The following BCKDK variants were observed in gnomAD, a reference collection of about 807,000 sequenced individuals.
The protein encoded by BCKDK is branched chain keto acid dehydrogenase kinase, also known as branched-chain alpha-ketoacid dehydrogenase kinase.
A neutral mutation model predicts 43.9 loss-of-function variants in BCKDK; 28 were observed. That is an observed-to-expected ratio of 0.64 (90% CI 0.47 to 0.87). The LOEUF is 0.87. BCKDK is among the 40% of genes least tolerant of loss of function. BCKDK has a pLI of 0.00. For missense variants in BCKDK, 483 were observed against 581.4 expected (o/e 0.83, Z 1.74); for synonymous variants, 257 against 234.3 (o/e 1.10, Z -0.88).
At position 31,112,323 on chromosome 16, in the gene BCKDK, T is replaced by G. The variant is rs1372655855; in HGVS notation, c.*58T>G. ...CCTGGGCCGCATTCCCTGCAGGACCTCCCGGGTCAGGCAGGGCGGCCCCCT... is the reference window on the plus strand; with the variant it reads ...CCTGGGCCGCATTCCCTGCAGGACCGCCCGGGTCAGGCAGGGCGGCCCCCT... On this transcript the variant is annotated 3_prime_UTR_variant, in exon 12 of 12. Transcript: ENST00000219794. This position sits in a 1 kb window ranked among gnomAD's most constrained non-coding sequence, Gnocchi z 5.0. 6.3e-7 allele frequency: 1 copy of G among 1,599,474 alleles called. No individual in the cohort carries two copies. The highest frequency in any genetic ancestry group is 8.5e-7 in the Non-Finnish European group (1 of 1,179,174).
Position 31,109,238 on chromosome 16 carries a change from G to A in BCKDK, c.15G>A (p.Ser5=), listed in dbSNP as rs753378449. Residue 5 remains serine, a synonymous_variant, in exon 2 of 12, where the codon TCG becomes TCA. Transcript: ENST00000219794. This position sits in a 1 kb window ranked among gnomAD's most constrained non-coding sequence, Gnocchi z 5.3. Reference sequence around the variant, plus strand: ...GGAGCAAGACGATGATCCTGGCGTCGGTGCTGAGGAGCGGTCCCGGGGGCG... The same window carrying A: ...GGAGCAAGACGATGATCCTGGCGTCAGTGCTGAGGAGCGGTCCCGGGGGCG... The part of the protein sequence containing the change: MILA[S]VLRSGPGGGL... 2.6e-6 allele frequency: 4 copies of A among 1,519,378 alleles called. No individual in the cohort carries two copies. Among genetic ancestry groups the A allele is most frequent in the Admixed American group, 2.2e-5 (1 of 45,428 alleles). The allele number at this position is 1,519,378 out of a possible 1,614,324, so 94.1% of individuals were successfully genotyped here.
At position 31,110,183 on chromosome 16, in the gene BCKDK, C is replaced by T. The variant is rs1251543766; in HGVS notation, c.424-22C>T. 1.2e-6 allele frequency: 2 copies of T among 1,614,186 alleles called. No individual in the cohort carries two copies. The highest frequency in any genetic ancestry group is 1.1e-5 in the South Asian group (1 of 91,084). ...AGAGGTTGGGCTTGGACCACCCTTC[C>T]TCATGACTCTGTGACCTGCAGATCA... is the stretch of plus-strand genomic sequence containing the variant. On this transcript the variant is annotated intron_variant, in intron 5 of 11. Coordinates refer to ENST00000219794, the MANE Select transcript of BCKDK (RefSeq NM_005881.4). The surrounding 1 kb of genome is among the most constrained non-coding windows in gnomAD (Gnocchi z 5.4).
rs764935168 is a variant in BCKDK at position 31,111,839 on chromosome 16, C to T, written c.936-30C>T. 4.8e-5 allele frequency: 77 copies of T among 1,612,532 alleles called. No individual in the cohort carries two copies. In the Admixed American group the frequency reaches 8.7e-4, roughly 18 times the overall value. On this transcript the variant is annotated intron_variant, in intron 10 of 11. Coordinates refer to ENST00000219794, the MANE Select transcript of BCKDK (RefSeq NM_005881.4). ...TGGTGAGTACCCCATCAAAGCTGAG[C>T]CAAGCCCATTGTTGTTGCCATCTTG...
Position 31,110,372 on chromosome 16 carries a change from A to C in BCKDK, c.544-29A>C. 6.2e-7 allele frequency: 1 copy of C among 1,614,036 alleles called. No homozygotes were observed. The highest frequency in any genetic ancestry group is 8.5e-7 in the Non-Finnish European group (1 of 1,180,012). Reference sequence around the variant, plus strand: ...CGGGCCTGCTGGGGGTGGGAAGGGCACGGGATTCTGAGACCTCACTCTTTA... The same window carrying C: ...CGGGCCTGCTGGGGGTGGGAAGGGCCCGGGATTCTGAGACCTCACTCTTTA... On this transcript the variant is annotated intron_variant, in intron 6 of 11. Transcript: ENST00000219794. This position sits in a 1 kb window ranked among gnomAD's most constrained non-coding sequence, Gnocchi z 5.4.
downstream of BCKDK, among the ~76,000 whole-genome samples, chr16:31,116,849 G>C (rs1280438843): frequency 1.3e-5 from 2 of 148,886 alleles, no homozygotes; most frequent in Admixed American, 6.7e-5. Flanking sequence ...CCCGGGAGGC[G>C]GAGGCTGCAG....
rs2057388476 is a variant in BCKDK, at chr16:31,109,259, G to A, written c.36G>A (p.Gly12=). The change falls in exon 2 of 12, where the codon GGG becomes GGA. Residue 12 remains glycine, a synonymous_variant. Transcript: ENST00000219794. The surrounding 1 kb of genome is among the most constrained non-coding windows in gnomAD (Gnocchi z 5.3). ...ILASVLRSGP[G]GGLPLRPLLG... is the part of the protein sequence containing the mutation. ...CGTCGGTGCTGAGGAGCGGTCCCGG[G>A]GGCGGGCTTCCGCTCCGGCCCCTCC... The A allele has an allele frequency of 2.6e-6, 4 of 1,556,130 alleles. No individual in the cohort carries two copies. Among genetic ancestry groups the A allele is most frequent in the Non-Finnish European group, 2.6e-6 (3 of 1,152,750 alleles).
chr16:31,110,819 C>A lies in BCKDK; in HGVS notation c.716+58C>A. The stretch of plus-strand genomic sequence containing the variant: ...CATCTGGGGCAGGGAAGGCTTGGGT[C>A]TGAGCCCTTGCCCGGGGCATGATCT... On this transcript the variant is annotated intron_variant, in intron 8 of 11. Coordinates refer to ENST00000219794, the MANE Select transcript of BCKDK (RefSeq NM_005881.4). This position sits in a 1 kb window ranked among gnomAD's most constrained non-coding sequence, Gnocchi z 5.4. The A allele has an allele frequency of 1.3e-6, 2 of 1,571,636 alleles. No homozygotes were observed. The highest frequency in any genetic ancestry group is 1.8e-6 in the Non-Finnish European group (2 of 1,141,992).
downstream of BCKDK, among the ~76,000 whole-genome samples, chr16:31,115,213 G>A (rs1036859642): frequency 5.4e-5 from 8 of 146,918 alleles, no homozygotes; most frequent in Admixed American, 4.2e-4. Context: ...GTGAGCCACC[G>A]CGCCCAGTCT....
Position 31,110,673 on chromosome 16 carries a change from C to T in BCKDK, c.643-15C>T. On this transcript the variant is annotated splice_polypyrimidine_tract_variant and intron_variant, in intron 7 of 11. Coordinates refer to ENST00000219794, the MANE Select transcript of BCKDK (RefSeq NM_005881.4). This position sits in a 1 kb window ranked among gnomAD's most constrained non-coding sequence, Gnocchi z 5.4. ...CTAGGGGCGTGGGTAGTCCTGACCTCCTTTCTCCGGCCAGCCTGACTTTGT... is the reference window on the plus strand; with the variant it reads ...CTAGGGGCGTGGGTAGTCCTGACCTTCTTTCTCCGGCCAGCCTGACTTTGT... 1 of 1,614,010 alleles carries T rather than the reference C, an allele frequency of 6.2e-7. No homozygotes were observed. The highest frequency in any genetic ancestry group is 8.5e-7 in the Non-Finnish European group (1 of 1,179,918).
chr16:31,114,447 G>A (rs1050637880), downstream of BCKDK, among the ~76,000 whole-genome samples: 3 of 151,854 alleles, frequency 2.0e-5, no homozygotes, highest in Admixed American at 6.6e-5. Context: ...TCCCAACCTC[G>A]TGATCCATCC....
downstream of BCKDK, among the ~76,000 whole-genome samples, chr16:31,116,570 T>C (rs2143956070): frequency 6.6e-6 from 1 of 152,016 alleles, no homozygotes; most frequent in African/African-American, 2.4e-5. Flanking sequence ...CCGTTCTGCT[T>C]TCCCCGCACC....
chr16:31,109,400 C>A lies in BCKDK; in HGVS notation c.177C>A (p.Ile59=), dbSNP rs1438051281. 1.2e-6 allele frequency: 2 copies of A among 1,607,828 alleles called. No homozygotes were observed. The highest frequency in any genetic ancestry group is 2.2e-5 in the South Asian group (2 of 90,752). The change falls in exon 2 of 12, where the codon ATC becomes ATA. Residue 59 remains isoleucine (I), a synonymous_variant. Transcript: ENST00000219794. This position sits in a 1 kb window ranked among gnomAD's most constrained non-coding sequence, Gnocchi z 5.3. ...TVTSFYNQSA[I]DAAAEKPSVR... Reference sequence around the variant, plus strand: ...CCTCCTTTTACAACCAGTCGGCCATCGACGCGGCAGCGGAGAAGGTGCGCA... The same window carrying A: ...CCTCCTTTTACAACCAGTCGGCCATAGACGCGGCAGCGGAGAAGGTGCGCA...
chr16:31,112,340 C>T lies in BCKDK; in HGVS notation c.*75C>T, dbSNP rs549189288. The T allele has an allele frequency of 1.1e-5, 18 of 1,589,748 alleles. No individual in the cohort carries two copies. Among genetic ancestry groups the T allele is most frequent in the East Asian group, 4.5e-5 (2 of 44,774 alleles). ...GCAGGACCTCCCGGGTCAGGCAGGG[C>T]GGCCCCCTGCTCCACACACTGCTGC... On this transcript the variant is annotated 3_prime_UTR_variant, in exon 12 of 12. Coordinates refer to ENST00000219794, the MANE Select transcript of BCKDK (RefSeq NM_005881.4). The surrounding 1 kb of genome is among the most constrained non-coding windows in gnomAD (Gnocchi z 5.0).
At chr16:31,111,759 C>A in intron 10 of BCKDK, 110 bp from the exon 11 acceptor site, 1 of 1,454,238 alleles carries the variant, frequency 6.9e-7, no homozygotes, top group Non-Finnish European at 9.5e-7. Flanking sequence ...GGACCACATT[C>A]CAGCTCTGGG....
rs2057418446 is a variant in BCKDK at position 31,112,198 on chromosome 16, G to C, written c.1172G>C (p.Gly391Ala). Residue 391 changes from glycine to alanine, a missense_variant, in exon 12 of 12, where the codon GGC (glycine) becomes GCC (alanine). Transcript: ENST00000219794. The surrounding 1 kb of genome is among the most constrained non-coding windows in gnomAD (Gnocchi z 5.0). ...GGSLQLQSLQ[G>A]IGTDVYLRLR... ...TCTCTGCAGCTGCAGTCCCTGCAGGGCATTGGCACGGACGTCTACCTGCGG... is the reference window on the plus strand; with the variant it reads ...TCTCTGCAGCTGCAGTCCCTGCAGGCCATTGGCACGGACGTCTACCTGCGG... 1 of 1,612,504 alleles carries C rather than the reference G, an allele frequency of 6.2e-7. No individual in the cohort carries two copies. The highest frequency in any genetic ancestry group is 1.7e-5 in the Admixed American group (1 of 60,006).
downstream of BCKDK, chr16:31,117,402 T>TAAATAAATAAATAAATA (rs753420395): frequency 2.8e-4 from 51 of 180,896 alleles, no homozygotes; most frequent in South Asian, 0.012. Context: ...ATAAATAAAT[T>TAAATAAATAAATAAATA]AAAAAAAGGT....
In BCKDK at chr16:31,111,162, C is replaced by T; in HGVS notation, c.788C>T (p.Pro263Leu). The T allele has an allele frequency of 5.0e-6, 8 of 1,614,168 alleles. No individual in the cohort carries two copies. Among genetic ancestry groups the T allele is most frequent in the Non-Finnish European group, 6.8e-6 (8 of 1,180,024 alleles). Residue 263 changes from proline to leucine, a missense_variant, in exon 9 of 12, where the codon CCC becomes CTC. Physicochemically the swap from Pro to Leu is moderately conservative, Grantham distance 98. Coordinates refer to ENST00000219794, the MANE Select transcript of BCKDK (RefSeq NM_005881.4). ...AATGGCCATGTGGCTGCCCGGTTCC[C>T]CTTCATCCCTATGCCACTGGACTAC... ...RINGHVAARF[P>L]FIPMPLDYIL... is the part of the protein sequence containing the mutation.
At chr16:31,115,886 T>C (rs549890560), downstream of BCKDK, 1 of 152,330 alleles carries the variant, frequency 6.6e-6, no homozygotes, top group African/African-American at 2.4e-5. Context: ...CATGCGGATA[T>C]GGAGGGCCGA....
In BCKDK at chr16:31,109,757, G is replaced by A. The variant is rs2057394794; in HGVS notation, c.349G>A (p.Gly117Ser). Reference sequence around the variant, plus strand: ...CTTCCGCTGCCTTCCTTTCATCATTGGCTGCAACCCCACCATACTGCACGT... The same window carrying A: ...CTTCCGCTGCCTTCCTTTCATCATTAGCTGCAACCCCACCATACTGCACGT... ...KGFRCLPFII[G>S]CNPTILHVHE... The change falls in exon 4 of 12, where the codon GGC becomes AGC. Residue 117 changes from glycine (G) to serine (S), a missense_variant. Coordinates refer to ENST00000219794, the MANE Select transcript of BCKDK (RefSeq NM_005881.4). This position sits in a 1 kb window ranked among gnomAD's most constrained non-coding sequence, Gnocchi z 5.3. The A allele has an allele frequency of 2.1e-5, 34 of 1,613,818 alleles. No individual in the cohort carries two copies. Among genetic ancestry groups the A allele is most frequent in the Non-Finnish European group, 2.9e-5 (34 of 1,180,018 alleles).
Sources: gnomAD v4.1 joint callset for allele counts (sites outside exome capture counted in the v4.1 genomes callset) on GRCh38, gnomAD v4.1.1 for gene constraint, Gnocchi (gnomAD v3.1) non-coding constraint, MANE v1.5 for transcripts, NCBI Gene and HGNC (gene_info 2026-07-23, HGNC 2026-07-21) for gene names.